PCTP: variants seen among roughly 807,000 people sequenced by gnomAD.
The protein encoded by PCTP is START domain-containing protein 2.
PCTP carries 27 observed loss-of-function variants against 31.0 expected under a neutral mutation model. That is an observed-to-expected ratio of 0.87 (90% CI 0.64 to 1.20). The LOEUF (loss-of-function observed/expected upper bound fraction) is 1.20, where lower values mean the gene tolerates loss of function less well. Among genes scored for constraint, PCTP ranks in the 50% most tolerant of loss-of-function variants. PCTP has a pLI of 0.00. For missense variants in PCTP, 287 were observed against 268.2 expected, an observed-to-expected ratio of 1.07 and a Z score of -0.49; for synonymous variants, 108 against 101.2, an observed-to-expected ratio of 1.07 and a Z score of -0.40.
Position 55,821,271 on chromosome 17 carries a change from A to G in PCTP, c.318-1490A>G, listed in dbSNP as rs970187229. On this transcript the variant is annotated intron_variant, in intron 3 of 3. Transcript: ENST00000572536. Reference sequence around the variant, plus strand: ...TGAAAACATTATGTCAAATGAAAGAAGTCATTCACAAAGGATCATATATCA... The same window carrying G: ...TGAAAACATTATGTCAAATGAAAGAGGTCATTCACAAAGGATCATATATCA... Among the ~76,000 whole-genome samples the G allele has an allele frequency of 2.6e-5, 4 of 152,364 alleles. No individual in the cohort carries two copies. The South Asian group carries it at 8.3e-4, about 32-fold the overall frequency.
rs927111794 is a variant in PCTP, at chr17:55,815,821, T to A, written c.318-6940T>A. On this transcript the variant is annotated intron_variant, in intron 3 of 3. Transcript: ENST00000572536. Reference sequence around the variant, plus strand: ...CATCTTTTGCTGTCTTATCATGAGTTTTTTATTTATTCAGTTATTAGGAGC... The same window carrying A: ...CATCTTTTGCTGTCTTATCATGAGTATTTTATTTATTCAGTTATTAGGAGC... Among the ~76,000 whole-genome samples, 7 of 152,288 alleles carry A rather than the reference T, an allele frequency of 4.6e-5. No homozygotes were observed. In the South Asian group the frequency reaches 1.0e-3, roughly 23 times the overall value.
chr17:55,849,205 A>G, the PCTP span, among the ~76,000 whole-genome samples: 31 of 151,810 alleles, frequency 2.0e-4, 1 homozygote, highest in Admixed American at 1.8e-3. Context: ...ATTAAAAAAA[A>G]GAGCCAAAAT....
At chr17:55,834,026 T>G (rs958013721) in intron 5 of PCTP, among the ~76,000 whole-genome samples, 1 of 152,066 alleles carries the variant, frequency 6.6e-6, no homozygotes, top group East Asian at 1.9e-4. Flanking sequence ...GTAGGTGAAT[T>G]AGAATAATGA....
At chr17:55,832,157 G>A (rs1448778899) in intron 5 of PCTP, among the ~76,000 whole-genome samples, 2 of 152,096 alleles carry the variant, frequency 1.3e-5, no homozygotes. Context: ...TCTCCTTTCT[G>A]CACACCACAA....
At chr17:55,833,617 C>G (rs1905677861) in intron 5 of PCTP, among the ~76,000 whole-genome samples, 1 of 152,184 alleles carries the variant, frequency 6.6e-6, no homozygotes. Flanking sequence ...AAGGCAAACC[C>G]TTGTGTGCAG....
chr17:55,798,898 A>G (rs1300385028), intron 3 of PCTP, among the ~76,000 whole-genome samples: 2 of 151,984 alleles, frequency 1.3e-5, no homozygotes, highest in Non-Finnish European at 2.9e-5. Flanking sequence ...CTGTGTCATT[A>G]AAATAAGTGA....
chr17:55,852,135 A>T, the PCTP span, among the ~76,000 whole-genome samples: 1 of 152,194 alleles, frequency 6.6e-6, no homozygotes, highest in Admixed American at 6.5e-5. Context: ...CATACATTTT[A>T]AGTGTTATAT....
At chr17:55,773,338 T>C (rs1290287253) in intron 3 of PCTP, among the ~76,000 whole-genome samples, 1 of 152,214 alleles carries the variant, frequency 6.6e-6, no homozygotes, top group Admixed American at 6.5e-5. Context: ...CAAGGCAGTG[T>C]TACTCCCTTT....
rs1210880476 is a variant in PCTP at position 55,766,258 on chromosome 17, C to CT, written c.142-1062dup. ...ATGAACGTCGTCATCAGCTGCTTTT[C>CT]TTTTTTTTTTTTTTTATTATACTTT... is the stretch of plus-strand genomic sequence containing the variant. On this transcript the variant is annotated intron_variant, in intron 1 of 5. Coordinates refer to ENST00000268896, the MANE Select transcript of PCTP (RefSeq NM_021213.4). Among the ~76,000 whole-genome samples the CT allele has an allele frequency of 2.9e-3, 395 of 138,430 alleles. 2 individuals are homozygous for CT. The highest frequency in any genetic ancestry group is 0.015 in the Middle Eastern group (4 of 266). The allele number at this position is 138,430 out of a possible 152,430, so 90.8% of individuals were successfully genotyped here.
chr17:55,790,885 C>A (rs1478968828), intron 3 of PCTP, among the ~76,000 whole-genome samples: 1 of 150,218 alleles, frequency 6.7e-6, no homozygotes, highest in Non-Finnish European at 1.5e-5. Context: ...GGAGGCATCA[C>A]GCTACCTGAC....
intron 2 of PCTP, among the ~76,000 whole-genome samples, chr17:55,784,148 G>T (rs1911667195): frequency 6.6e-6 from 1 of 152,202 alleles, no homozygotes; most frequent in South Asian, 2.1e-4. Context: ...GCCTGGGGGA[G>T]AATTTCAAAG....
chr17:55,828,550 C>A (rs1477434858), intron 5 of PCTP, among the ~76,000 whole-genome samples: 2 of 152,200 alleles, frequency 1.3e-5, no homozygotes, highest in African/African-American at 2.4e-5. Flanking sequence ...TGGATTAGGA[C>A]CCACTCTAAT....
chr17:55,807,954 T>C (rs1398361609), intron 3 of PCTP, among the ~76,000 whole-genome samples: 1 of 152,212 alleles, frequency 6.6e-6, no homozygotes, highest in African/African-American at 2.4e-5. Flanking sequence ...AAAGTAGATA[T>C]TAGCGATAAT....
At chr17:55,818,396 TGTGA>T (rs1221800280) in intron 3 of PCTP, among the ~76,000 whole-genome samples, 1 of 152,232 alleles carries the variant, frequency 6.6e-6, no homozygotes, top group African/African-American at 2.4e-5. Flanking sequence ...TTTGTCACTG[TGTGA>T]GTATCACTCT....
At chr17:55,786,037 C>T (rs1248013301) in intron 2 of PCTP, among the ~76,000 whole-genome samples, 1 of 152,196 alleles carries the variant, frequency 6.6e-6, no homozygotes, top group East Asian at 1.9e-4. Context: ...AATCCCAACA[C>T]TTTGGGGGGC....
At chr17:55,784,236 G>T (rs1306855724) in intron 2 of PCTP, among the ~76,000 whole-genome samples, 1 of 152,150 alleles carries the variant, frequency 6.6e-6, no homozygotes, top group Non-Finnish European at 1.5e-5. Context: ...TAGGGAGAAG[G>T]AATTGGCAAT....
At chr17:55,771,895 T>C (rs898196836) in intron 3 of PCTP, among the ~76,000 whole-genome samples, 1 of 152,138 alleles carries the variant, frequency 6.6e-6, no homozygotes, top group African/African-American at 2.4e-5. Context: ...TTCACCATGC[T>C]CTTCAATCCC....
intron 3 of PCTP, among the ~76,000 whole-genome samples, chr17:55,812,387 G>T (rs1912779916): frequency 6.6e-6 from 1 of 152,308 alleles, no homozygotes; most frequent in Middle Eastern, 3.4e-3. Flanking sequence ...GGAAAATGAT[G>T]CTTAGAGACG....
rs1422716982 is a variant in PCTP, at chr17:55,777,191, C to T, written c.*1091C>T. 2.0e-5 allele frequency: 20 copies of T among 984,814 alleles called. No individual in the cohort carries two copies. Among genetic ancestry groups the T allele is most frequent in the Non-Finnish European group, 2.3e-5 (19 of 829,138 alleles). 61.0% of individuals were successfully genotyped at this position (984,814 alleles called of 1,614,324 possible). A position where few individuals can be genotyped will look rare whatever the true frequency, so the allele number is the denominator to read the frequency against. On this transcript the variant is annotated 3_prime_UTR_variant, in exon 6 of 6. Transcript: ENST00000268896. ...GGTATTTCTATGTCAAAGGCACAGC[C>T]TTGATGATCTCAGGGAAAAATTTTA...
Sources: allele counts gnomAD v4.1 joint callset (sites outside exome capture counted in the v4.1 genomes callset), GRCh38; gene constraint gnomAD v4.1.1; transcripts MANE v1.5; gene names NCBI Gene and HGNC (gene_info 2026-07-23, HGNC 2026-07-21).